DOC2B: variants seen among roughly 807,000 people sequenced by gnomAD.
The protein encoded by DOC2B is double C2 domain beta, also known as double C2-like domain-containing protein beta.
DOC2B carries 21 observed loss-of-function variants against 28.9 expected under a neutral mutation model. That is an observed-to-expected ratio of 0.73 (90% CI 0.52 to 1.05). The LOEUF (loss-of-function observed/expected upper bound fraction) is 1.05, where lower values mean the gene tolerates loss of function less well. DOC2B is among the 50% of genes least tolerant of loss of function. The probability of loss-of-function intolerance (pLI) is 0.00; values close to 1 mark genes in which losing one functional copy is unlikely to be tolerated. For missense variants in DOC2B, 384 were observed against 421.1 expected, an observed-to-expected ratio of 0.91 and a Z score of 0.77; for synonymous variants, 194 against 178.1, an observed-to-expected ratio of 1.09 and a Z score of -0.71.
chr17:170,734 G>A lies in DOC2B; in HGVS notation c.453+1803C>T, dbSNP rs193017347. ...GAACATGGAGCTGACACATGCTTGA[G>A]TGGCAGAGCCAGAGGGCAGCACCAG... On this transcript the variant is annotated intron_variant, in intron 2 of 8. Transcript: ENST00000613549. Among the ~76,000 whole-genome samples, 450 of 152,044 alleles carry A rather than the reference G, an allele frequency of 3.0e-3. 2 individuals carry two copies. Among genetic ancestry groups the A allele is most frequent in the African/African-American group, 0.01 (418 of 41,322 alleles).
chr17:156,011 G>A lies in DOC2B; in HGVS notation c.923+209C>T. The A allele has an allele frequency of 6.9e-6, 4 of 582,206 alleles. No individual in the cohort carries two copies. The South Asian group carries it at 9.0e-5, about 13-fold the overall frequency. 36.1% of individuals were successfully genotyped at this position (582,206 alleles called of 1,614,324 possible). A position where few individuals can be genotyped will look rare whatever the true frequency, so the allele number is the denominator to read the frequency against. ...CTGCATGACCCTGGGAAGCCACTCA[G>A]CTTCTCTGTCCCTCAGTTTCCCCAT... On this transcript the variant is annotated intron_variant, in intron 6 of 8. Coordinates refer to ENST00000613549, the MANE Select transcript of DOC2B (RefSeq NM_003585.5).
At chr17:172,082 G>A (rs184795546) in intron 2 of DOC2B, among the ~76,000 whole-genome samples, 6 of 152,178 alleles carry the variant, frequency 3.9e-5, no homozygotes, top group Admixed American at 6.5e-5. Context: ...GGCTCAGGCC[G>A]TGGACACCCT....
Position 147,566 on chromosome 17 carries a change from G to A in DOC2B, c.1114C>T (p.Leu372=). Residue 372 remains leucine (L), a synonymous_variant, in exon 9 of 9, where the codon CTG becomes TTG. Transcript: ENST00000613549. ...CGCTCCCCCTTGGCGTGGATGCCCA[G>A]AACCACACCACCTGCAGGAGGACAG... is the stretch of plus-strand genomic sequence containing the variant. ...KSNDFIGGVV[L]GIHAKGERLK... is the part of the protein sequence containing the mutation. The A allele has an allele frequency of 2.5e-6, 1 of 398,900 alleles. No individual in the cohort carries two copies. Among genetic ancestry groups the A allele is most frequent in the Non-Finnish European group, 4.4e-6 (1 of 226,272 alleles). 24.7% of individuals were successfully genotyped at this position (398,900 alleles called of 1,614,324 possible).
chr17:151,949 T>C (rs995495390), intron 6 of DOC2B, among the ~76,000 whole-genome samples: 3 of 152,142 alleles, frequency 2.0e-5, no homozygotes, highest in Non-Finnish European at 2.9e-5. Flanking sequence ...ACCTGACCAC[T>C]CTGGGGAAAT....
intron 5 of DOC2B, among the ~76,000 whole-genome samples, chr17:158,685 G>A (rs2040163856): frequency 6.6e-6 from 1 of 152,332 alleles, no homozygotes; most frequent in Non-Finnish European, 1.5e-5. Context: ...GCAGAGCTTT[G>A]TGTGTGAGGG....
Position 146,284 on chromosome 17 carries a change from G to C in DOC2B, c.*1157C>G, listed in dbSNP as rs1323670514. The C allele has an allele frequency of 6.6e-6, 1 of 152,404 alleles. No individual in the cohort carries two copies. Among genetic ancestry groups the C allele is most frequent in the Non-Finnish European group, 1.5e-5 (1 of 68,176 alleles). The allele number at this position is 152,404 out of a possible 1,614,324, so 9.4% of individuals were successfully genotyped here. A position where few individuals can be genotyped will look rare whatever the true frequency, so the allele number is the denominator to read the frequency against. On this transcript the variant is annotated 3_prime_UTR_variant, in exon 9 of 9. Transcript: ENST00000613549. ...TGTGAGCCATGGAGTGGAGGGGAGGGGAAAGGGCAGAGTCAGGACGTGTAG... is the reference window on the plus strand; with the variant it reads ...TGTGAGCCATGGAGTGGAGGGGAGGCGAAAGGGCAGAGTCAGGACGTGTAG...
At chr17:162,319 G>A in intron 3 of DOC2B, 129 bp from the exon 4 acceptor site, 1 of 699,828 alleles carries the variant, frequency 1.4e-6, no homozygotes, top group South Asian at 1.6e-5. Context: ...GTGGACTGAG[G>A]CTGCAGGTGG....
At chr17:148,146 G>C in intron 8 of DOC2B, 27 bp downstream of exon 8, 2 of 398,584 alleles carry the variant, frequency 5.0e-6, no homozygotes, top group Non-Finnish European at 8.8e-6. Context: ...CACACAGTGA[G>C]ACGGTGTTCC....
intron 2 of DOC2B, among the ~76,000 whole-genome samples, chr17:170,669 A>T (rs2040301981): frequency 6.6e-6 from 1 of 152,174 alleles, no homozygotes; most frequent in South Asian, 2.1e-4. Flanking sequence ...TTCCTCCCAC[A>T]GGGAGCAATG....
intron 2 of DOC2B, among the ~76,000 whole-genome samples, chr17:169,886 A>C (rs2040291952): frequency 6.6e-6 from 1 of 151,280 alleles, no homozygotes. Context: ...TCCCACCCCC[A>C]CTTCTGATAC....
intron 4 of DOC2B, 42 bp downstream of exon 4, chr17:162,038 TA>T: frequency 7.4e-7 from 1 of 1,357,742 alleles, no homozygotes. Flanking sequence ...CGGGTGGGAG[TA>T]GGGGTTGGGG....
chr17:164,317 T>A (rs1275202764), intron 2 of DOC2B, 113 bp from the exon 3 acceptor site: 1 of 796,890 alleles, frequency 1.3e-6, no homozygotes, highest in Non-Finnish European at 2.1e-6. Context: ...CATGGCCCCT[T>A]TCACAGAAGC....
chr17:177,607 T>TC (rs1249416284), intron 1 of DOC2B, among the ~76,000 whole-genome samples: 3 of 152,242 alleles, frequency 2.0e-5, no homozygotes, highest in Admixed American at 6.5e-5. Flanking sequence ...TGCCTCCCTG[T>TC]CCCTCGCTGT....
chr17:159,539 G>A (rs2040175175), intron 5 of DOC2B, among the ~76,000 whole-genome samples: 1 of 152,202 alleles, frequency 6.6e-6, no homozygotes, highest in Non-Finnish European at 1.5e-5. Flanking sequence ...CATGAGAATT[G>A]TTTGAACTCA....
chr17:155,628 G>A (rs1232948708), intron 6 of DOC2B, among the ~76,000 whole-genome samples: 4 of 152,264 alleles, frequency 2.6e-5, no homozygotes, highest in South Asian at 4.1e-4. Context: ...CCAAAGGGTC[G>A]CCAGCTCCTG....
At chr17:166,409 G>A (rs2040265258) in intron 2 of DOC2B, among the ~76,000 whole-genome samples, 1 of 152,248 alleles carries the variant, frequency 6.6e-6, no homozygotes, top group Admixed American at 6.5e-5. Context: ...TTGGGCACAT[G>A]CTCCCCAGCT....
chr17:172,125 C>G (rs889351190), intron 2 of DOC2B, among the ~76,000 whole-genome samples: 1 of 152,064 alleles, frequency 6.6e-6, no homozygotes, highest in Non-Finnish European at 1.5e-5. Flanking sequence ...TACAGTGGCT[C>G]GGCTTCCAGG....
chr17:177,048 T>A (rs148259050), intron 1 of DOC2B, among the ~76,000 whole-genome samples: 1 of 127,974 alleles, frequency 7.8e-6, no homozygotes, highest in East Asian at 2.4e-4. Context: ...TTTTTTTTTT[T>A]AAGAAAAATG....
In DOC2B at chr17:164,194, G is replaced by A. The variant is rs1555523624; in HGVS notation, c.464C>T (p.Pro155Leu). ...GTCTGCCAGCCCATTGTGGTCCATT[G>A]GCTTCAGGCCCTGGGCAGAGAAGAG... Reference protein sequence around the residue: ...CTITKAKGLKPMDHNGLADPY... With the variant: ...CTITKAKGLKLMDHNGLADPY... Residue 155 changes from proline (P) to leucine (L), a missense_variant, in exon 3 of 9, where the codon CCA becomes CTA. Physicochemically the swap from Pro to Leu is moderately conservative, Grantham distance 98. Coordinates refer to ENST00000613549, the MANE Select transcript of DOC2B (RefSeq NM_003585.5). 4 of 1,552,932 alleles carry A rather than the reference G, an allele frequency of 2.6e-6. No homozygotes were observed. The highest frequency in any genetic ancestry group is 3.5e-6 in the Non-Finnish European group (4 of 1,147,528).
Sources: gnomAD v4.1 joint callset for allele counts (sites outside exome capture counted in the v4.1 genomes callset) on GRCh38, gnomAD v4.1.1 for gene constraint, MANE v1.5 for transcripts, NCBI Gene and HGNC (gene_info 2026-07-23, HGNC 2026-07-21) for gene names.